The following ZNF136 variants were observed in gnomAD, a reference collection of about 807,000 sequenced individuals.
ZNF136 encodes zinc finger protein 136 (clone pHZ-20).
In ZNF136, 8 loss-of-function variants were observed where a neutral mutation model predicts 11.4. That is an observed-to-expected ratio of 0.70 (90% CI 0.41 to 1.27). ZNF136 has a LOEUF of 1.27. ZNF136 is among the 50% of genes most tolerant of loss of function. The pLI, the probability that ZNF136 is intolerant of heterozygous loss-of-function variation, is 0.01. For synonymous variants in ZNF136, 190 were observed against 207.1 expected (o/e 0.92, Z 0.71); for missense variants, 590 against 656.5 (o/e 0.90, Z 1.11).
intron 1 of ZNF136, among the ~76,000 whole-genome samples, chr19:12,175,173 G>C (rs966489792): frequency 2.6e-5 from 4 of 151,394 alleles, no homozygotes. Flanking sequence ...GAAGGGCAGA[G>C]AGAAAGATTC....
intron 1 of ZNF136, among the ~76,000 whole-genome samples, chr19:12,174,752 G>C (rs1271736168): frequency 1.3e-5 from 2 of 150,420 alleles, no homozygotes; most frequent in African/African-American, 2.5e-5. Flanking sequence ...TCTCCTGCCT[G>C]AGCCTCCCGA....
chr19:12,187,373 G>A lies in ZNF136; in HGVS notation c.995G>A (p.Gly332Asp). The A allele has an allele frequency of 6.2e-7, 1 of 1,614,098 alleles. No individual in the cohort carries two copies. The highest frequency in any genetic ancestry group is 8.5e-7 in the Non-Finnish European group (1 of 1,180,016). The change falls in exon 4 of 4, where the codon GGT (glycine) becomes GAT (aspartate). Residue 332 changes from glycine (G) to aspartate (D), a missense_variant. Gly to Asp is a moderately conservative substitution (Grantham distance 94, BLOSUM62 -1). Coordinates refer to ENST00000343979, the MANE Select transcript of ZNF136 (RefSeq NM_003437.5). ...CGACTACATGAAAGAATTCACACTG[G>A]TGAGAAACCCTTCGTATGTAAACAA... ...SLRLHERIHT[G>D]EKPFVCKQCG...
intron 1 of ZNF136, among the ~76,000 whole-genome samples, chr19:12,180,157 C>A (rs943619558): frequency 6.6e-6 from 1 of 152,172 alleles, no homozygotes; most frequent in Non-Finnish European, 1.5e-5. Flanking sequence ...TGAGCCACCG[C>A]CCCCGGCCAA....
At chr19:12,165,999 A>T (rs1977180473) in intron 1 of ZNF136, among the ~76,000 whole-genome samples, 1 of 152,176 alleles carries the variant, frequency 6.6e-6, no homozygotes, top group South Asian at 2.1e-4. Flanking sequence ...AGGCTGAAGC[A>T]GGTGGATCAC....
In ZNF136 at chr19:12,186,800, C is replaced by G; in HGVS notation, c.422C>G (p.Thr141Arg). ...EYQEYGEKPD[T>R]RNQCWKPFSS... ...CAGGAATATGGAGAGAAGCCAGATA[C>G]ACGTAACCAGTGTTGGAAACCCTTC... The change falls in exon 4 of 4, where the codon ACA becomes AGA. Residue 141 changes from threonine (T) to arginine (R), a missense_variant. Transcript: ENST00000343979. 1 of 1,614,144 alleles carries G rather than the reference C, an allele frequency of 6.2e-7. No homozygotes were observed. The highest frequency in any genetic ancestry group is 8.5e-7 in the Non-Finnish European group (1 of 1,180,018).
At chr19:12,186,324 C>T in intron 3 of ZNF136, 150 bp downstream of exon 3, 2 of 909,434 alleles carry the variant, frequency 2.2e-6, no homozygotes, top group South Asian at 1.9e-5. Flanking sequence ...TCAGTGTAAA[C>T]AGATGTTCAG....
chr19:12,180,492 G>A (rs1294038815), intron 1 of ZNF136, among the ~76,000 whole-genome samples: 2 of 152,124 alleles, frequency 1.3e-5, no homozygotes, highest in Admixed American at 1.3e-4. Flanking sequence ...GGTAAGACTG[G>A]TTTATAAGAA....
chr19:12,170,226 C>A (rs1423352969), intron 1 of ZNF136, among the ~76,000 whole-genome samples: 1 of 152,102 alleles, frequency 6.6e-6, no homozygotes, highest in Admixed American at 6.5e-5. Context: ...CCGCGCCCGG[C>A]CTTTTGTGGT....
intron 1 of ZNF136, among the ~76,000 whole-genome samples, chr19:12,183,949 C>G (rs1281242131): frequency 6.6e-6 from 1 of 152,162 alleles, no homozygotes; most frequent in Non-Finnish European, 1.5e-5. Flanking sequence ...GGTGAATTCA[C>G]CAATTTATTT....
At chr19:12,171,086 T>G (rs996980157) in intron 1 of ZNF136, among the ~76,000 whole-genome samples, 1 of 151,628 alleles carries the variant, frequency 6.6e-6, no homozygotes, top group Non-Finnish European at 1.5e-5. Flanking sequence ...CTGCTTACCT[T>G]GGCCTCCCAA....
In ZNF136 at chr19:12,188,138, A is replaced by G; in HGVS notation, c.*137A>G. ...AGAATTCTAGAGAGAAGCCATATACATGTAAGTAACATGGGAAAGCTTTCA... is the reference window on the plus strand; with the variant it reads ...AGAATTCTAGAGAGAAGCCATATACGTGTAAGTAACATGGGAAAGCTTTCA... On this transcript the variant is annotated 3_prime_UTR_variant, in exon 4 of 4. Coordinates refer to ENST00000343979, the MANE Select transcript of ZNF136 (RefSeq NM_003437.5). 1.6e-6 allele frequency: 1 copy of G among 615,494 alleles called. No individual in the cohort carries two copies. Among genetic ancestry groups the G allele is most frequent in the Non-Finnish European group, 2.5e-6 (1 of 400,296 alleles). 38.1% of individuals were successfully genotyped at this position (615,494 alleles called of 1,614,324 possible).
chr19:12,167,571 A>G (rs1351111258), intron 1 of ZNF136, among the ~76,000 whole-genome samples: 1 of 152,188 alleles, frequency 6.6e-6, no homozygotes, highest in Admixed American at 6.5e-5. Flanking sequence ...AAAAAAAGAA[A>G]AGATAAGACC....
At chr19:12,172,916 G>A (rs1436441464) in intron 1 of ZNF136, among the ~76,000 whole-genome samples, 1 of 152,128 alleles carries the variant, frequency 6.6e-6, no homozygotes, top group Non-Finnish European at 1.5e-5. Flanking sequence ...GGAGGCTGAG[G>A]CCAGAGAATC....
At chr19:12,172,630 A>G (rs1013601951) in intron 1 of ZNF136, among the ~76,000 whole-genome samples, 2 of 152,208 alleles carry the variant, frequency 1.3e-5, no homozygotes, top group Admixed American at 6.5e-5. Flanking sequence ...AGGTTCAAAT[A>G]GTAGTCAGGT....
At chr19:12,185,116 A>G (rs1915049732) in intron 1 of ZNF136, 1 of 152,318 alleles carries the variant, frequency 6.6e-6, no homozygotes, top group Non-Finnish European at 1.5e-5. Flanking sequence ...AACTATATTT[A>G]TACCCACTTT....
At chr19:12,177,942 T>C (rs1215723471) in intron 1 of ZNF136, among the ~76,000 whole-genome samples, 1 of 152,074 alleles carries the variant, frequency 6.6e-6, no homozygotes, top group Non-Finnish European at 1.5e-5. Context: ...ACCTCATCTC[T>C]ACCAAATATA....
intron 1 of ZNF136, among the ~76,000 whole-genome samples, chr19:12,177,439 T>G (rs1914829836): frequency 6.6e-6 from 1 of 152,074 alleles, no homozygotes; most frequent in African/African-American, 2.4e-5. Flanking sequence ...ACCTCCCGGG[T>G]CCCAGTTCAA....
At chr19:12,181,926 CGCCCG>C (rs1914953346) in intron 1 of ZNF136, among the ~76,000 whole-genome samples, 1 of 152,032 alleles carries the variant, frequency 6.6e-6, no homozygotes, top group Non-Finnish European at 1.5e-5. Context: ...TGAGCCACCG[CGCCCG>C]GCCATTTTTT....
intron 1 of ZNF136, among the ~76,000 whole-genome samples, chr19:12,179,125 G>T (rs1318484689): frequency 1.3e-5 from 2 of 151,520 alleles, no homozygotes; most frequent in African/African-American, 4.8e-5. Flanking sequence ...TTTATCACAA[G>T]AATTATTTCT....
Sources: allele counts gnomAD v4.1 joint callset (sites outside exome capture counted in the v4.1 genomes callset), GRCh38; gene constraint gnomAD v4.1.1; transcripts MANE v1.5; gene names NCBI Gene and HGNC (gene_info 2026-07-23, HGNC 2026-07-21).